The following MPND variants were observed in gnomAD, a reference collection of about 807,000 sequenced individuals.
MPND encodes the protein MPN domain-containing protein.
In MPND, 56 loss-of-function variants were observed where a neutral mutation model predicts 59.2. The observed-to-expected ratio is 0.95, with a 90% CI of 0.76 to 1.18. The LOEUF is 1.18. Among genes scored for constraint, MPND ranks in the 50% most tolerant of loss-of-function variants. MPND has a pLI of 0.00. For synonymous variants in MPND, 323 were observed against 291.9 expected, an observed-to-expected ratio of 1.11 and a Z score of -1.09; for missense variants, 671 against 676.0, an observed-to-expected ratio of 0.99 and a Z score of 0.08.
Position 4,354,375 on chromosome 19 carries a change from C to A in MPND, c.801C>A (p.Phe267Leu), listed in dbSNP as rs752008686. 1 of 1,562,608 alleles carries A rather than the reference C, an allele frequency of 6.4e-7. No homozygotes were observed. The part of the protein sequence containing the change: ...EVTSFAAINK[F>L]QPFNVAVSSN... ...CATCCTTTGCAGCCATCAACAAGTT[C>A]CAGCCGTTCAACGTGGCTGTTTCTA... The change falls in exon 6 of 13, where the codon TTC (phenylalanine) becomes TTA (leucine). Residue 267 changes from phenylalanine to leucine, a missense_variant. Coordinates refer to ENST00000599840, the MANE Select transcript of MPND (RefSeq NM_001300862.2).
At chr19:4,347,747 AC>A in intron 3 of MPND, 1 of 758,848 alleles carries the variant, frequency 1.3e-6, no homozygotes, top group Non-Finnish European at 2.0e-6. Context: ...AGCACTTAAA[AC>A]CCATGAACCT....
intron 3 of MPND, among the ~76,000 whole-genome samples, chr19:4,351,666 T>C (rs147124916): frequency 6.7e-6 from 1 of 149,540 alleles, no homozygotes; most frequent in Non-Finnish European, 1.5e-5. Context: ...ATCGAGACCA[T>C]CCTGGCTAAC....
In MPND at chr19:4,359,153, T is replaced by C; in HGVS notation, c.1327-10T>C. The C allele has an allele frequency of 1.2e-6, 2 of 1,607,780 alleles. No homozygotes were observed. The highest frequency in any genetic ancestry group is 1.7e-6 in the Non-Finnish European group (2 of 1,174,670). ...GGGAGCCTGGGAGTCCATGCTCCTC[T>C]GTCCTGTAGATGCTGCTGGTGGAGT... On this transcript the variant is annotated splice_polypyrimidine_tract_variant and intron_variant, in intron 11 of 12. Transcript: ENST00000599840.
At position 4,354,114 on chromosome 19, in the gene MPND, G is replaced by A; in HGVS notation, c.734G>A (p.Ser245Asn). The change falls in exon 5 of 13, where the codon AGC becomes AAC. Residue 245 changes from serine to asparagine, a missense_variant. Physicochemically the swap from Ser to Asn is conservative, Grantham distance 46 (BLOSUM62 1). Coordinates refer to ENST00000599840, the MANE Select transcript of MPND (RefSeq NM_001300862.2). ...CCGGTCCGCTACTGCATGCTGGGCA[G>A]CCGCGACTTGGCCAGGTCAGACTCA... ...RVPVRYCMLG[S>N]RDLARNPHTL... 6.2e-7 allele frequency: 1 copy of A among 1,612,272 alleles called. No individual in the cohort carries two copies.
At chr19:4,343,624 AGGCGCGGGGCGCGGGGCTGCAGG>A (rs1972115897) in intron 1 of MPND, 24 bp downstream of exon 1, 2 of 822,448 alleles carry the variant, frequency 2.4e-6, no homozygotes, top group South Asian at 9.9e-5. Context: ...AGCGGGGCGG[AGGCGCGGGGCGCGGGGCTGCAGG>A]GGCGCGGGGC....
At chr19:4,352,423 G>A (rs533906327) in intron 3 of MPND, among the ~76,000 whole-genome samples, 9 of 152,192 alleles carry the variant, frequency 5.9e-5, no homozygotes, top group Non-Finnish European at 7.4e-5. Context: ...GGTGGCTTAC[G>A]CCTGTAATCC....
chr19:4,345,999 C>A lies in MPND; in HGVS notation c.531+18C>A. On this transcript the variant is annotated intron_variant, in intron 3 of 12. Coordinates refer to ENST00000599840, the MANE Select transcript of MPND (RefSeq NM_001300862.2). ...CTGATGAGGTACGTGCTGCAGCCTC[C>A]TCCAGGAAGCCGCCCAGGTCACTGT... is the stretch of plus-strand genomic sequence containing the variant. 6.3e-7 allele frequency: 1 copy of A among 1,599,480 alleles called. No individual in the cohort carries two copies. The highest frequency in any genetic ancestry group is 1.1e-5 in the South Asian group (1 of 89,894).
Position 4,354,343 on chromosome 19 carries a change from G to C in MPND, c.769G>C (p.Glu257Gln). ...DLARNPHTLV[E>Q]VTSFAAINKF... ...CTACAGGAACCCCCACACCCTGGTGGAAGTAACATCCTTTGCAGCCATCAA... is the reference window on the plus strand; with the variant it reads ...CTACAGGAACCCCCACACCCTGGTGCAAGTAACATCCTTTGCAGCCATCAA... The change falls in exon 6 of 13, where the codon GAA becomes CAA. Residue 257 changes from glutamate (E) to glutamine (Q), a missense_variant. Glu to Gln is a conservative substitution (Grantham distance 29). Coordinates refer to ENST00000599840, the MANE Select transcript of MPND (RefSeq NM_001300862.2). The C allele has an allele frequency of 6.4e-7, 1 of 1,560,084 alleles. No individual in the cohort carries two copies. The highest frequency in any genetic ancestry group is 2.4e-5 in the East Asian group (1 of 42,010).
At chr19:4,344,355 C>A (rs1041061267) in intron 2 of MPND, among the ~76,000 whole-genome samples, 1 of 146,718 alleles carries the variant, frequency 6.8e-6, no homozygotes, top group Non-Finnish European at 1.5e-5. Context: ...TAGGACAAGC[C>A]CCAGTGTGGG....
chr19:4,348,414 C>A (rs1972238628), intron 3 of MPND: 1 of 151,854 alleles, frequency 6.6e-6, no homozygotes, highest in Non-Finnish European at 1.5e-5. Context: ...GCACACACCA[C>A]CACACCCGGC....
rs1972380269 is a variant in MPND, at chr19:4,354,122, T to G, written c.742T>G (p.Leu248Val). Residue 248 changes from leucine to valine, a missense_variant, in exon 5 of 13, where the codon TTG (leucine) becomes GTG (valine). Coordinates refer to ENST00000599840, the MANE Select transcript of MPND (RefSeq NM_001300862.2). The part of the protein sequence containing the change: ...VRYCMLGSRD[L>V]ARNPHTLVEV... The stretch of plus-strand genomic sequence containing the variant: ...CTACTGCATGCTGGGCAGCCGCGAC[T>G]TGGCCAGGTCAGACTCACCCCAAGT... 1 of 1,611,982 alleles carries G rather than the reference T, an allele frequency of 6.2e-7. No individual in the cohort carries two copies. Among genetic ancestry groups the G allele is most frequent in the East Asian group, 2.2e-5 (1 of 44,796 alleles).
chr19:4,348,011 T>C lies in MPND; in HGVS notation c.531+2030T>C, dbSNP rs191244979. The C allele has an allele frequency of 8.2e-3, 1,223 of 149,332 alleles. 13 individuals carry two copies. The highest frequency in any genetic ancestry group is 0.029 in the African/African-American group (1,173 of 40,166). 9.3% of individuals were successfully genotyped at this position (149,332 alleles called of 1,614,324 possible). ...GGTTCAAATGATTCTCCTGCCTCAGTCTCGCGAGTAGCTGGGATTACAGGC... is the reference window on the plus strand; with the variant it reads ...GGTTCAAATGATTCTCCTGCCTCAGCCTCGCGAGTAGCTGGGATTACAGGC... On this transcript the variant is annotated intron_variant, in intron 3 of 12. Coordinates refer to ENST00000599840, the MANE Select transcript of MPND (RefSeq NM_001300862.2).
intron 11 of MPND, 23 bp from the exon 12 acceptor site, chr19:4,359,140 G>A: frequency 1.9e-6 from 3 of 1,562,332 alleles, no homozygotes; most frequent in Non-Finnish European, 1.8e-6. Flanking sequence ...GAGCCTGGGA[G>A]TCCATGCTCC....
chr19:4,354,884 C>G lies in MPND; in HGVS notation c.847-65C>G, dbSNP rs975201749. On this transcript the variant is annotated intron_variant, in intron 6 of 12. Transcript: ENST00000599840. The stretch of plus-strand genomic sequence containing the variant: ...GTCTCAAAGAGAATGAGGGCACAGG[C>G]TGGCTCCAGTGTTGGGGCAGGGCCA... The G allele has an allele frequency of 1.1e-4, 156 of 1,469,148 alleles. 1 individual carries two copies. Among genetic ancestry groups the G allele is most frequent in the South Asian group, 8.3e-4 (63 of 76,032 alleles). 91.0% of individuals were successfully genotyped at this position (1,469,148 alleles called of 1,614,324 possible).
intron 6 of MPND, 144 bp from the exon 7 acceptor site, chr19:4,354,805 G>C: frequency 1.3e-6 from 1 of 784,412 alleles, no homozygotes; most frequent in Non-Finnish European, 2.0e-6. Flanking sequence ...CGGAGGTTGC[G>C]GTGAGCCAAG....
Position 4,343,732 on chromosome 19 carries a change from G to A in MPND, c.32G>A (p.Gly11Asp), listed in dbSNP as rs1208695846. The A allele has an allele frequency of 1.3e-5, 16 of 1,206,214 alleles. No homozygotes were observed. Among genetic ancestry groups the A allele is most frequent in the Admixed American group, 4.4e-5 (1 of 22,658 alleles). 74.7% of individuals were successfully genotyped at this position (1,206,214 alleles called of 1,614,324 possible). ...GCTCCGGAGCCGCTGTCCCCGGCGG[G>A]CGGTGCGGGCGAGGAGGCGCCGGAG... MAAPEPLSPA[G>D]GAGEEAPEED... Residue 11 changes from glycine to aspartate, a missense_variant, in exon 2 of 13, where the codon GGC becomes GAC. Gly to Asp is a moderately conservative substitution (Grantham distance 94). Transcript: ENST00000599840.
At chr19:4,349,304 G>C (rs1231530268) in intron 3 of MPND, among the ~76,000 whole-genome samples, 1 of 152,138 alleles carries the variant, frequency 6.6e-6, no homozygotes, top group Non-Finnish European at 1.5e-5. Context: ...TCGAACTCCT[G>C]ACCTCAAGTG....
chr19:4,351,661 G>C (rs1479015501), intron 3 of MPND, among the ~76,000 whole-genome samples: 4 of 151,696 alleles, frequency 2.6e-5, no homozygotes, highest in Admixed American at 2.6e-4. Context: ...AGACGATCGA[G>C]ACCATCCTGG....
intron 4 of MPND, 81 bp downstream of exon 4, chr19:4,353,110 T>A: frequency 8.6e-7 from 1 of 1,166,634 alleles, no homozygotes. Flanking sequence ...GGTTGGGCCT[T>A]GATCTTCTCC....
Sources: gnomAD v4.1 joint callset for allele counts (sites outside exome capture counted in the v4.1 genomes callset) on GRCh38, gnomAD v4.1.1 for gene constraint, MANE v1.5 for transcripts, NCBI Gene and HGNC (gene_info 2026-07-23, HGNC 2026-07-21) for gene names.